KLHL8: variants seen among roughly 807,000 people sequenced by gnomAD.
KLHL8 encodes the protein kelch-like protein 8.
Under a neutral mutation model 63.5 loss-of-function variants are expected in KLHL8, and 38 were observed. That is an observed-to-expected ratio of 0.60 (90% CI 0.46 to 0.78). The LOEUF (loss-of-function observed/expected upper bound fraction) is 0.78, where lower values mean the gene tolerates loss of function less well. Among genes scored for constraint, KLHL8 ranks in the 30% least tolerant of loss-of-function variants. The pLI is 0.00. For missense variants in KLHL8, 566 were observed against 752.4 expected (o/e 0.75, Z 2.90); for synonymous variants, 224 against 254.3 (o/e 0.88, Z 1.13).
Position 87,178,562 on chromosome 4 carries a change from T to G in KLHL8, c.1011A>C (p.Glu337Asp). 4 of 1,611,562 alleles carry G rather than the reference T, an allele frequency of 2.5e-6. No individual in the cohort carries two copies. ...AACTGTTTTTGTTGATAGAATAGCA[T>G]TCAATACTGCGAAAGGGGTCACCAG... ...GGSGDPFRSI[E>D]CYSINKNSWF... Residue 337 changes from glutamate to aspartate, a missense_variant, in exon 5 of 10, where the codon GAA becomes GAC. Glu to Asp is a conservative substitution (Grantham distance 45). Coordinates refer to ENST00000273963, the MANE Select transcript of KLHL8 (RefSeq NM_020803.5).
At position 87,178,665 on chromosome 4, in the gene KLHL8, T is replaced by C. The variant is rs538841898; in HGVS notation, c.953-45A>G. ...ATAGAGATAAATCATAGCTGCCAAG[T>C]TGAAAAAAATTAGAAAGCCAAAACT... On this transcript the variant is annotated intron_variant, in intron 4 of 9. Coordinates refer to ENST00000273963, the MANE Select transcript of KLHL8 (RefSeq NM_020803.5). 10 of 1,466,680 alleles carry C rather than the reference T, an allele frequency of 6.8e-6. No homozygotes were observed. In the African/African-American group the frequency reaches 8.8e-5, roughly 13 times the overall value. The allele number at this position is 1,466,680 out of a possible 1,614,324, so 90.9% of individuals were successfully genotyped here.
In KLHL8 at chr4:87,207,119, G is replaced by A; in HGVS notation, c.-151-11429C>T. 3 of 531,446 alleles carry A rather than the reference G, an allele frequency of 5.6e-6. No homozygotes were observed. In the East Asian group the frequency reaches 1.3e-4, roughly 24 times the overall value. 32.9% of individuals were successfully genotyped at this position (531,446 alleles called of 1,614,324 possible). ...GGTGATGGCCGGAGTCAACGGATTTGGTCGTATTGGATGCCTGGTCACCAG... is the reference window on the plus strand; with the variant it reads ...GGTGATGGCCGGAGTCAACGGATTTAGTCGTATTGGATGCCTGGTCACCAG... On this transcript the variant is annotated intron_variant, in intron 1 of 9. Coordinates refer to ENST00000273963, the MANE Select transcript of KLHL8 (RefSeq NM_020803.5).
intron 1 of KLHL8, among the ~76,000 whole-genome samples, chr4:87,240,098 T>A (rs920586509): frequency 3.9e-5 from 6 of 152,208 alleles, no homozygotes; most frequent in African/African-American, 1.4e-4. Context: ...TCCAGCCAGC[T>A]TGGAGAAGGA....
At chr4:87,230,918 C>T (rs34589806) in intron 1 of KLHL8, among the ~76,000 whole-genome samples, 11,695 of 152,194 alleles carry the variant, frequency 0.077, 626 homozygotes, top group Non-Finnish European at 0.12. Flanking sequence ...TTTTTGCACG[C>T]GTCAATATGT....
At chr4:87,167,190 C>A in intron 8 of KLHL8, 1 of 535,856 alleles carries the variant, frequency 1.9e-6, no homozygotes, top group Non-Finnish European at 3.6e-6. Context: ...TGTTTATCCA[C>A]CCCCACACTA....
chr4:87,165,040 TC>T (rs1730336154), intron 8 of KLHL8, among the ~76,000 whole-genome samples: 1 of 150,330 alleles, frequency 6.7e-6, no homozygotes, highest in South Asian at 2.1e-4. Flanking sequence ...TCCCAGCTAC[TC>T]GGGAGGCTGA....
chr4:87,206,489 T>C (rs190142045), intron 1 of KLHL8, among the ~76,000 whole-genome samples: 295 of 152,306 alleles, frequency 1.9e-3, no homozygotes, highest in Non-Finnish European at 3.0e-3. Flanking sequence ...ATTAAACCAC[T>C]GTGCACCACC....
chr4:87,183,418 A>G (rs1731131048), intron 3 of KLHL8, 29 bp from the exon 4 acceptor site: 2 of 1,470,976 alleles, frequency 1.4e-6, no homozygotes, highest in African/African-American at 2.8e-5. Flanking sequence ...GCAATACAAC[A>G]AATTTTATAT....
intron 1 of KLHL8, among the ~76,000 whole-genome samples, chr4:87,230,076 G>T (rs1454402248): frequency 6.6e-6 from 1 of 152,110 alleles, no homozygotes; most frequent in Non-Finnish European, 1.5e-5. Context: ...GGAGAGTTTA[G>T]TAAAGGTGTG....
At chr4:87,203,736 A>G (rs549029863) in intron 1 of KLHL8, among the ~76,000 whole-genome samples, 1 of 151,348 alleles carries the variant, frequency 6.6e-6, no homozygotes, top group South Asian at 2.1e-4. Context: ...ACACAGAAAA[A>G]CTTCATGACT....
upstream of KLHL8, among the ~76,000 whole-genome samples, chr4:87,222,593 AT>A (rs912423084): frequency 2.0e-5 from 3 of 151,774 alleles, no homozygotes; most frequent in Non-Finnish European, 4.4e-5. Flanking sequence ...ATTTTATTTT[AT>A]TTTTTTGAGA....
intron 1 of KLHL8, 177 bp downstream of exon 1, chr4:87,220,241 T>TTC (rs1732779538): frequency 6.6e-6 from 1 of 152,240 alleles, no homozygotes; most frequent in Non-Finnish European, 1.5e-5. Context: ...GCTGTGGAGT[T>TTC]TCGGTTGGTG....
chr4:87,215,091 G>A (rs557158332), intron 1 of KLHL8, among the ~76,000 whole-genome samples: 38 of 152,236 alleles, frequency 2.5e-4, no homozygotes, highest in African/African-American at 8.2e-4. Flanking sequence ...GAGCCACCCC[G>A]CTCGGCCAGA....
intron 1 of KLHL8, among the ~76,000 whole-genome samples, chr4:87,198,318 T>TAATAA (rs1175951494): frequency 1.3e-5 from 2 of 152,282 alleles, no homozygotes; most frequent in East Asian, 3.9e-4. Flanking sequence ...AGACTGTGTC[T>TAATAA]AATAAAATAA....
At position 87,196,671 on chromosome 4, in the gene KLHL8, A is replaced by G. The variant is rs554583614; in HGVS notation, c.-151-981T>C. 3.9e-4 allele frequency among the ~76,000 whole-genome samples: 59 copies of G among 152,344 alleles called. 1 individual carries two copies. In the South Asian group the frequency reaches 8.1e-3, roughly 21 times the overall value. Reference sequence around the variant, plus strand: ...ATCAAACTTTCCTCATCATCAAAGCATATTTGATGAATATCCACACCATCC... The same window carrying G: ...ATCAAACTTTCCTCATCATCAAAGCGTATTTGATGAATATCCACACCATCC... On this transcript the variant is annotated intron_variant, in intron 1 of 9. Coordinates refer to ENST00000273963, the MANE Select transcript of KLHL8 (RefSeq NM_020803.5).
intron 1 of KLHL8, among the ~76,000 whole-genome samples, chr4:87,217,835 A>G (rs766412234): frequency 6.6e-6 from 1 of 152,156 alleles, no homozygotes; most frequent in Admixed American, 6.5e-5. Flanking sequence ...GAATTCCAAT[A>G]TAAGTAACCA....
At chr4:87,222,712 T>C (rs1252868276), upstream of KLHL8, among the ~76,000 whole-genome samples, 1 of 152,062 alleles carries the variant, frequency 6.6e-6, no homozygotes, top group African/African-American at 2.4e-5. Context: ...GCCTCTGCAA[T>C]AGTTGGGATT....
chr4:87,229,591 A>G (rs1389988505), intron 1 of KLHL8, among the ~76,000 whole-genome samples: 2 of 151,486 alleles, frequency 1.3e-5, no homozygotes, highest in Non-Finnish European at 2.9e-5. Flanking sequence ...GCCATCATGC[A>G]TGGCTAATTT....
At chr4:87,237,455 A>C (rs1733251865) in intron 1 of KLHL8, among the ~76,000 whole-genome samples, 1 of 152,204 alleles carries the variant, frequency 6.6e-6, no homozygotes, top group Non-Finnish European at 1.5e-5. Flanking sequence ...AACATAATAA[A>C]TAACAGAAAA....
Sources: gnomAD v4.1 joint callset for allele counts (sites outside exome capture counted in the v4.1 genomes callset) on GRCh38, gnomAD v4.1.1 for gene constraint, MANE v1.5 for transcripts, NCBI Gene and HGNC (gene_info 2026-07-23, HGNC 2026-07-21) for gene names.